GC: variants seen among roughly 807,000 people sequenced by gnomAD.
GC encodes the protein GC vitamin D binding protein.
A neutral mutation model predicts 56.7 loss-of-function variants in GC; 43 were observed. The observed-to-expected ratio is 0.76, with a 90% confidence interval of 0.59 to 0.98. The LOEUF is 0.98. Among genes scored for constraint, GC ranks in the 50% least tolerant of loss-of-function variants. The pLI is 0.00. For synonymous variants in GC, 216 were observed against 202.7 expected, an observed-to-expected ratio of 1.07 and a Z score of -0.56; for missense variants, 529 against 545.9, an observed-to-expected ratio of 0.97 and a Z score of 0.31.
intron 7 of GC, among the ~76,000 whole-genome samples, chr4:71,757,268 T>C (rs1002916169): frequency 3.9e-5 from 6 of 152,126 alleles, no homozygotes; most frequent in African/African-American, 7.2e-5. Flanking sequence ...TCTAGATAGA[T>C]AGATGTAATA....
intron 1 of GC, among the ~76,000 whole-genome samples, chr4:71,772,037 A>G (rs937866411): frequency 2.6e-5 from 4 of 152,152 alleles, no homozygotes; most frequent in Non-Finnish European, 5.9e-5. Flanking sequence ...CCTTTTGAAG[A>G]GGTGAGTTTG....
chr4:71,775,542 T>TAA (rs1324309863), intron 1 of GC, among the ~76,000 whole-genome samples: 2 of 151,928 alleles, frequency 1.3e-5, no homozygotes, highest in Non-Finnish European at 2.9e-5. Flanking sequence ...CTGAAGCTGT[T>TAA]AAACTAATAC....
At chr4:71,789,160 G>T (rs705125) in intron 1 of GC, among the ~76,000 whole-genome samples, 103,971 of 151,478 alleles carry the variant, frequency 0.69, 38,069 homozygotes, top group South Asian at 0.83. Context: ...ATCGAGAAAA[G>T]AAGAGAATAA....
At chr4:71,769,798 T>C (rs1479346396) in intron 1 of GC, among the ~76,000 whole-genome samples, 1 of 152,122 alleles carries the variant, frequency 6.6e-6, no homozygotes, top group African/African-American at 2.4e-5. Context: ...TCTTTTAATG[T>C]CTCAGTTTTA....
chr4:71,743,256 A>G (rs1741247826), intron 12 of GC, among the ~76,000 whole-genome samples: 1 of 152,190 alleles, frequency 6.6e-6, no homozygotes, highest in East Asian at 1.9e-4. Flanking sequence ...CTCTAACTAG[A>G]GATGGGTAGG....
Position 71,763,438 on chromosome 4 carries a change from G to A in GC, c.671C>T (p.Ala224Val), listed in dbSNP as rs1742050159. 6.2e-7 allele frequency: 1 copy of A among 1,601,632 alleles called. No individual in the cohort carries two copies. Among genetic ancestry groups the A allele is most frequent in the South Asian group, 1.1e-5 (1 of 90,756 alleles). ...CCTTGATTTCTTCTCCCCATAAGCAGCATATTGTGAGCAGACTCTATTTGA... is the reference window on the plus strand; with the variant it reads ...CCTTGATTTCTTCTCCCCATAAGCAACATATTGTGAGCAGACTCTATTTGA... ...TLSNRVCSQY[A>V]AYGEKKSRLS... The change falls in exon 6 of 13, where the codon GCT (alanine) becomes GTT (valine). Residue 224 changes from alanine (A) to valine (V), a missense_variant. By Grantham distance (64) the Ala-to-Val change is moderately conservative. Transcript: ENST00000273951.
intron 1 of GC, among the ~76,000 whole-genome samples, chr4:71,776,944 A>G (rs1742526034): frequency 6.6e-6 from 1 of 151,934 alleles, no homozygotes; most frequent in South Asian, 2.1e-4. Context: ...ATCATTATTT[A>G]TGTCTCTATC....
At chr4:71,797,913 C>G (rs898952978) in intron 1 of GC, among the ~76,000 whole-genome samples, 2 of 152,312 alleles carry the variant, frequency 1.3e-5, no homozygotes, top group East Asian at 1.9e-4. Flanking sequence ...ACCATTATTT[C>G]TAGATGACTT....
intron 1 of GC, among the ~76,000 whole-genome samples, chr4:71,799,933 A>G (rs916337249): frequency 2.0e-5 from 3 of 152,196 alleles, no homozygotes; most frequent in African/African-American, 4.8e-5. Context: ...CACTGGCCTC[A>G]GGAGCTATCA....
rs138888041 is a variant in GC at position 71,759,135 on chromosome 4, A to G, written c.702-964T>C. ...CAGGATTTTCTTTTTTTTTCAGGCTACATAATATTCCATTGTATGTATATA... is the reference window on the plus strand; with the variant it reads ...CAGGATTTTCTTTTTTTTTCAGGCTGCATAATATTCCATTGTATGTATATA... On this transcript the variant is annotated intron_variant, in intron 6 of 12. Transcript: ENST00000273951. Among the ~76,000 whole-genome samples the G allele has an allele frequency of 7.1e-3, 1,083 of 152,262 alleles. 14 individuals carry two copies. Among genetic ancestry groups the G allele is most frequent in the Middle Eastern group, 0.024 (7 of 294 alleles).
At chr4:71,772,136 A>G (rs1442462126) in intron 1 of GC, among the ~76,000 whole-genome samples, 3 of 152,140 alleles carry the variant, frequency 2.0e-5, no homozygotes, top group Non-Finnish European at 1.5e-5. Context: ...CATCATCTAT[A>G]AGATCACTTG....
chr4:71,789,581 T>C (rs1323141821), intron 1 of GC, among the ~76,000 whole-genome samples: 1 of 151,944 alleles, frequency 6.6e-6, no homozygotes, highest in Non-Finnish European at 1.5e-5. Context: ...TTTCTCAGTT[T>C]TCAGGAATTT....
intron 1 of GC, among the ~76,000 whole-genome samples, chr4:71,800,126 T>A (rs1743215027): frequency 6.6e-6 from 1 of 152,004 alleles, no homozygotes; most frequent in South Asian, 2.1e-4. Flanking sequence ...CATGCAGGTT[T>A]GTTATATAGG....
At chr4:71,785,677 C>T (rs1742816108), upstream of GC, among the ~76,000 whole-genome samples, 1 of 151,774 alleles carries the variant, frequency 6.6e-6, no homozygotes, top group African/African-American at 2.4e-5. Context: ...GTTCAAGGAT[C>T]AACTTCCTGA....
At chr4:71,757,960 G>T in intron 7 of GC, 82 bp downstream of exon 7, 1 of 1,130,528 alleles carries the variant, frequency 8.8e-7, no homozygotes, top group Non-Finnish European at 1.3e-6. Context: ...ATATGAAATA[G>T]AACTTAGAAG....
At chr4:71,758,371 T>C (rs1247958552) in intron 6 of GC, among the ~76,000 whole-genome samples, 200 bp from the exon 7 acceptor site, 4 of 152,122 alleles carry the variant, frequency 2.6e-5, no homozygotes, top group Non-Finnish European at 5.9e-5. Flanking sequence ...AATGAATCTT[T>C]CCAAATTTTC....
intron 6 of GC, among the ~76,000 whole-genome samples, 156 bp downstream of exon 6, chr4:71,763,252 G>A (rs2276461): frequency 0.14 from 21,065 of 151,976 alleles, 2,596 homozygotes; most frequent in East Asian, 0.4. Context: ...ATAGAGAAAA[G>A]AAAACGAGAA....
chr4:71,766,389 A>G (rs1245570569), intron 3 of GC, among the ~76,000 whole-genome samples: 1 of 152,160 alleles, frequency 6.6e-6, no homozygotes, highest in Non-Finnish European at 1.5e-5. Context: ...TGATACACTG[A>G]TACCTGTGAG....
chr4:71,752,790 C>A, intron 10 of GC, 140 bp from the exon 11 acceptor site: 1 of 722,864 alleles, frequency 1.4e-6, no homozygotes. Flanking sequence ...AAATTCTATA[C>A]CTGTGGTATA....
Sources: allele counts gnomAD v4.1 joint callset (sites outside exome capture counted in the v4.1 genomes callset), GRCh38; gene constraint gnomAD v4.1.1; transcripts MANE v1.5; gene names NCBI Gene and HGNC (gene_info 2026-07-23, HGNC 2026-07-21).